The following SMYD3 variants were observed in gnomAD, a reference collection of about 807,000 sequenced individuals.
SMYD3 encodes histone-lysine N-methyltransferase SMYD3.
A neutral mutation model predicts 57.7 loss-of-function variants in SMYD3; 36 were observed. That is an observed-to-expected ratio of 0.62 (90% CI 0.48 to 0.82). SMYD3 has a LOEUF of 0.82. Among genes scored for constraint, SMYD3 ranks in the 40% least tolerant of loss-of-function variants. SMYD3 has a pLI of 0.00. For synonymous variants in SMYD3, 211 were observed against 195.0 expected, an observed-to-expected ratio of 1.08 and a Z score of -0.68; for missense variants, 515 against 538.8, an observed-to-expected ratio of 0.96 and a Z score of 0.44.
chr1:246,280,708 C>G (rs2064423888), intron 5 of SMYD3, among the ~76,000 whole-genome samples: 1 of 152,168 alleles, frequency 6.6e-6, no homozygotes, highest in Admixed American at 6.5e-5. Context: ...TATCATTCCA[C>G]TTTACAGAGA....
chr1:246,286,271 T>C (rs2064560698), intron 5 of SMYD3, among the ~76,000 whole-genome samples: 1 of 152,212 alleles, frequency 6.6e-6, no homozygotes, highest in South Asian at 2.1e-4. Flanking sequence ...TTTGTTTAAA[T>C]TTTTGTTTTT....
At chr1:246,132,158 A>G (rs1374680846) in intron 5 of SMYD3, among the ~76,000 whole-genome samples, 2 of 152,178 alleles carry the variant, frequency 1.3e-5, no homozygotes, top group African/African-American at 2.4e-5. Context: ...GATGACAAAA[A>G]ATTGGGAGAA....
intron 1 of SMYD3, among the ~76,000 whole-genome samples, chr1:246,410,396 G>T (rs2066945063): frequency 6.6e-6 from 1 of 152,094 alleles, no homozygotes; most frequent in Non-Finnish European, 1.5e-5. Context: ...GCTGAATTTT[G>T]TCAAAGGCCT....
intron 5 of SMYD3, among the ~76,000 whole-genome samples, chr1:245,950,526 A>G (rs1045505849): frequency 6.6e-6 from 1 of 152,184 alleles, no homozygotes; most frequent in Non-Finnish European, 1.5e-5. Flanking sequence ...CAGTCACTAC[A>G]CAGATTGGCT....
In SMYD3 at chr1:246,347,605, C is replaced by T. The variant is rs149280387; in HGVS notation, c.228+7426G>A. ...TGTTGAACTTTAATTACCATTATATCAGTGTTAAGAGGTGGGACCATTAAG... is the reference window on the plus strand; with the variant it reads ...TGTTGAACTTTAATTACCATTATATTAGTGTTAAGAGGTGGGACCATTAAG... On this transcript the variant is annotated intron_variant, in intron 2 of 11. Coordinates refer to ENST00000490107, the MANE Select transcript of SMYD3 (RefSeq NM_001167740.2). 2.6e-5 allele frequency among the ~76,000 whole-genome samples: 4 copies of T among 152,244 alleles called. No homozygotes were observed. In the East Asian group the frequency reaches 7.7e-4, roughly 29 times the overall value.
intron 5 of SMYD3, among the ~76,000 whole-genome samples, chr1:246,232,564 C>T (rs1367245214): frequency 6.7e-6 from 1 of 149,266 alleles, no homozygotes; most frequent in Non-Finnish European, 1.5e-5. Context: ...AGGAGAAGCG[C>T]TCCTCAATTC....
At chr1:246,023,382 CTT>C (rs2059508462) in intron 5 of SMYD3, among the ~76,000 whole-genome samples, 1 of 152,114 alleles carries the variant, frequency 6.6e-6, no homozygotes, top group Non-Finnish European at 1.5e-5. Flanking sequence ...TCAAATGTGT[CTT>C]GTTACTAGAT....
At chr1:246,165,296 T>C (rs997743916) in intron 5 of SMYD3, among the ~76,000 whole-genome samples, 19 of 152,172 alleles carry the variant, frequency 1.2e-4, no homozygotes, top group African/African-American at 4.1e-4. Flanking sequence ...AAAGGAGAGA[T>C]GATTCAAAGA....
rs113404551 is a variant in SMYD3 at position 246,154,893 on chromosome 1, T to C, written c.531+172308A>G. Among the ~76,000 whole-genome samples the C allele has an allele frequency of 2.1e-3, 327 of 152,120 alleles. 2 individuals carry two copies. Among genetic ancestry groups the C allele is most frequent in the African/African-American group, 7.4e-3 (306 of 41,492 alleles). On this transcript the variant is annotated intron_variant, in intron 5 of 11. Transcript: ENST00000490107. ...GCCTCCCGGGTTCATGTGATTCTCC[T>C]GCCTCAGCTTCATAAGAAGCTGGGA... is the stretch of plus-strand genomic sequence containing the variant.
intron 8 of SMYD3, 48 bp downstream of exon 8, chr1:245,915,482 T>G: frequency 2.5e-6 from 3 of 1,197,990 alleles, no homozygotes; most frequent in Non-Finnish European, 3.7e-6. Context: ...CTGAAGATCA[T>G]TGAGATTTTG....
At chr1:245,799,450 T>G (rs202091903) in intron 10 of SMYD3, among the ~76,000 whole-genome samples, 1 of 151,424 alleles carries the variant, frequency 6.6e-6, no homozygotes, top group Non-Finnish European at 1.5e-5. Context: ...AGTGCTGTTA[T>G]AGTCCCTCTC....
At chr1:246,102,755 A>AAAAAAAATAAT (rs200094097) in intron 5 of SMYD3, among the ~76,000 whole-genome samples, 1 of 146,924 alleles carries the variant, frequency 6.8e-6, no homozygotes, top group African/African-American at 2.5e-5. Context: ...AAAAAAAAAA[A>AAAAAAAATAAT]AATAATAATA....
At position 246,358,948 on chromosome 1, in the gene SMYD3, A is replaced by T. The variant is rs371598303; in HGVS notation, c.165-3854T>A. 8.5e-5 allele frequency among the ~76,000 whole-genome samples: 13 copies of T among 152,200 alleles called. No individual in the cohort carries two copies. In the East Asian group the frequency reaches 1.7e-3, roughly 20 times the overall value. ...ATCCAAACCCAAATGCAGCAGAAGAAAAGAAATAACAAAGATCAGAGAAGA... is the reference window on the plus strand; with the variant it reads ...ATCCAAACCCAAATGCAGCAGAAGATAAGAAATAACAAAGATCAGAGAAGA... On this transcript the variant is annotated intron_variant, in intron 1 of 11. Coordinates refer to ENST00000490107, the MANE Select transcript of SMYD3 (RefSeq NM_001167740.2).
intron 10 of SMYD3, among the ~76,000 whole-genome samples, chr1:245,801,803 A>G (rs2047879158): frequency 6.6e-6 from 1 of 151,956 alleles, no homozygotes; most frequent in Non-Finnish European, 1.5e-5. Context: ...AAAAAGGGAA[A>G]CCCAGCATGT....
At chr1:245,981,134 C>T (rs4654179) in intron 5 of SMYD3, among the ~76,000 whole-genome samples, 14,636 of 152,184 alleles carry the variant, frequency 0.096, 881 homozygotes, top group South Asian at 0.21. Flanking sequence ...CCTATCTAGA[C>T]GATGACCTAC....
intron 5 of SMYD3, among the ~76,000 whole-genome samples, chr1:245,982,404 G>C (rs1245935773): frequency 1.3e-5 from 2 of 152,212 alleles, no homozygotes; most frequent in Non-Finnish European, 2.9e-5. Context: ...TGGGATTACA[G>C]ATGTCAGTCA....
chr1:246,210,572 T>G (rs372417202), intron 5 of SMYD3, among the ~76,000 whole-genome samples: 1 of 151,802 alleles, frequency 6.6e-6, no homozygotes, highest in Non-Finnish European at 1.5e-5. Context: ...TAGCTGGGCG[T>G]GGTTGCGGGC....
intron 5 of SMYD3, among the ~76,000 whole-genome samples, chr1:246,002,752 CATT>C (rs2059099858): frequency 6.6e-6 from 1 of 151,956 alleles, no homozygotes; most frequent in Admixed American, 6.6e-5. Flanking sequence ...ACGCCCGGCC[CATT>C]ATTATTTCTT....
At chr1:246,256,181 G>T (rs1472673313) in intron 5 of SMYD3, among the ~76,000 whole-genome samples, 2 of 152,078 alleles carry the variant, frequency 1.3e-5, no homozygotes, top group Non-Finnish European at 2.9e-5. Context: ...ATCCAGCATG[G>T]GAGAAAGATG....
Sources: gnomAD v4.1 joint callset for allele counts (sites outside exome capture counted in the v4.1 genomes callset) on GRCh38, gnomAD v4.1.1 for gene constraint, MANE v1.5 for transcripts, NCBI Gene and HGNC (gene_info 2026-07-23, HGNC 2026-07-21) for gene names.